Variants in HMCN1 observed in about 807,000 individuals in gnomAD.
The protein encoded by HMCN1 is hemicentin 1, also known as hemicentin-1.
Under a neutral mutation model 625.9 loss-of-function variants are expected in HMCN1, and 321 were observed. The ratio of observed to expected loss-of-function variants is 0.51; its 90% CI spans 0.47 to 0.56. The LOEUF (loss-of-function observed/expected upper bound fraction) is 0.56. Ranked by LOEUF, HMCN1 falls within the 20% of genes least tolerant of loss-of-function variation. The pLI is 0.00. For synonymous variants in HMCN1, 2,425 were observed against 2,417.6 expected (o/e 1.00, Z -0.09); for missense variants, 6,588 against 6,887.3 (o/e 0.96, Z 1.54).
intron 1 of HMCN1, among the ~76,000 whole-genome samples, chr1:185,750,739 T>G (rs778215527): frequency 3.3e-5 from 5 of 152,122 alleles, no homozygotes; most frequent in Non-Finnish European, 5.9e-5. Flanking sequence ...AATATAGACT[T>G]ATTTCTATGA....
intron 4 of HMCN1, among the ~76,000 whole-genome samples, chr1:185,893,438 G>A (rs961850646): frequency 1.3e-5 from 2 of 152,184 alleles, no homozygotes; most frequent in African/African-American, 4.8e-5. Context: ...GAAAATAATG[G>A]TGCATTTTAA....
Position 185,946,179 on chromosome 1 carries a change from C to G in HMCN1, c.1828+12355C>G, listed in dbSNP as rs139387736. On this transcript the variant is annotated intron_variant, in intron 11 of 106. Coordinates refer to ENST00000271588, the MANE Select transcript of HMCN1 (RefSeq NM_031935.3). The stretch of plus-strand genomic sequence containing the variant: ...TTCCAGCTACATTATGGTTGCTTCC[C>G]TGATAGATACTAAGGTAGCAGATAA... Among the ~76,000 whole-genome samples, 487 of 152,304 alleles carry G rather than the reference C, an allele frequency of 3.2e-3. 1 individual carries two copies. The highest frequency in any genetic ancestry group is 0.011 in the African/African-American group (449 of 41,568).
At position 185,810,532 on chromosome 1, in the gene HMCN1, A is replaced by G. The variant is rs187579873; in HGVS notation, c.269-35494A>G. ...TACCTGAACATAGGTAGTTTTTCAC[A>G]TGACATTAAGATGAATCCAAACTGC... On this transcript the variant is annotated intron_variant, in intron 1 of 106. Coordinates refer to ENST00000271588, the MANE Select transcript of HMCN1 (RefSeq NM_031935.3). Among the ~76,000 whole-genome samples, 5 of 152,292 alleles carry G rather than the reference A, an allele frequency of 3.3e-5. No individual in the cohort carries two copies. In the East Asian group the frequency reaches 9.6e-4, roughly 29 times the overall value.
At chr1:185,912,333 T>C (rs1571547949) in intron 6 of HMCN1, among the ~76,000 whole-genome samples, 1 of 152,334 alleles carries the variant, frequency 6.6e-6, no homozygotes, top group Admixed American at 6.5e-5. Flanking sequence ...TCAAGTGCTG[T>C]GTTGGCTTTT....
intron 13 of HMCN1, 63 bp downstream of exon 13, chr1:185,963,958 A>G: frequency 6.8e-7 from 1 of 1,468,568 alleles, no homozygotes; most frequent in Admixed American, 1.7e-5. Context: ...GCAATGCAAA[A>G]GTACTTTTTT....
At chr1:186,021,109 T>C (rs1654690594) in intron 35 of HMCN1, among the ~76,000 whole-genome samples, 1 of 152,012 alleles carries the variant, frequency 6.6e-6, no homozygotes. Context: ...AAATTTAGAC[T>C]CATATGTTGG....
At chr1:186,059,605 G>C (rs1168882689) in intron 46 of HMCN1, among the ~76,000 whole-genome samples, 2 of 152,090 alleles carry the variant, frequency 1.3e-5, no homozygotes, top group Non-Finnish European at 2.9e-5. Flanking sequence ...ATAGGTAAAT[G>C]AGAATCGAAT....
At chr1:185,818,635 T>C (rs1659987507) in intron 1 of HMCN1, among the ~76,000 whole-genome samples, 1 of 152,200 alleles carries the variant, frequency 6.6e-6, no homozygotes, top group Admixed American at 6.5e-5. Flanking sequence ...TTTTTGGCAG[T>C]GATTTCACAT....
At position 186,088,712 on chromosome 1, in the gene HMCN1, T is replaced by C; in HGVS notation, c.9684T>C (p.Asn3228=). The part of the protein sequence containing the change: ...DSGNYTCIAS[N]MEGKAQKYYF... ...GAAACTATACATGTATTGCTTCAAATATGGAGGGAAAAGCCCAGAAATATT... is the reference window on the plus strand; with the variant it reads ...GAAACTATACATGTATTGCTTCAAACATGGAGGGAAAAGCCCAGAAATATT... Residue 3228 remains asparagine (N), a synonymous_variant, in exon 63 of 107, where the codon AAT becomes AAC. Coordinates refer to ENST00000271588, the MANE Select transcript of HMCN1 (RefSeq NM_031935.3). The C allele has an allele frequency of 1.2e-6, 2 of 1,611,118 alleles. No homozygotes were observed. The highest frequency in any genetic ancestry group is 4.5e-5 in the East Asian group (2 of 44,736).
chr1:185,859,437 CTATT>C (rs2102345971), intron 2 of HMCN1, among the ~76,000 whole-genome samples: 2 of 152,088 alleles, frequency 1.3e-5, no homozygotes, highest in East Asian at 1.9e-4. Context: ...TTTCAATAAT[CTATT>C]TACTTAACTG....
chr1:186,117,673 A>T, intron 77 of HMCN1, 50 bp downstream of exon 77: 1 of 1,540,910 alleles, frequency 6.5e-7, no homozygotes, highest in Non-Finnish European at 9.0e-7. Flanking sequence ...TTATTTATTG[A>T]TGCATATTCT....
intron 4 of HMCN1, among the ~76,000 whole-genome samples, chr1:185,886,999 C>A (rs1664698349): frequency 6.6e-6 from 1 of 152,142 alleles, no homozygotes; most frequent in Non-Finnish European, 1.5e-5. Flanking sequence ...TCTGCCCCCA[C>A]ACATGCTGGG....
intron 106 of HMCN1, among the ~76,000 whole-genome samples, chr1:186,188,736 C>G (rs1363741461): frequency 6.6e-6 from 1 of 152,172 alleles, no homozygotes; most frequent in East Asian, 1.9e-4. Context: ...GCAGCATAGT[C>G]AAGTGTGGAC....
Position 186,119,204 on chromosome 1 carries a change from A to G in HMCN1, c.11862A>G (p.Ile3954Met). Residue 3954 changes from isoleucine (I) to methionine (M), a missense_variant, in exon 78 of 107, where the codon ATA becomes ATG. Ile to Met is a conservative substitution (Grantham distance 10). This residue lies in a region of HMCN1 where 4,628 missense variants were observed against 4,853.1 expected (regional missense o/e 0.95). Coordinates refer to ENST00000271588, the MANE Select transcript of HMCN1 (RefSeq NM_031935.3). The part of the protein sequence containing the change: ...YRILSSGAIE[I>M]LATQLNHAGR... ...TTTCATTTTTAGGAGCAATTGAAATACTTGCCACCCAATTAAACCATGCTG... is the reference window on the plus strand; with the variant it reads ...TTTCATTTTTAGGAGCAATTGAAATGCTTGCCACCCAATTAAACCATGCTG... 4.3e-6 allele frequency: 7 copies of G among 1,613,580 alleles called. No individual in the cohort carries two copies. The highest frequency in any genetic ancestry group is 5.9e-6 in the Non-Finnish European group (7 of 1,179,526).
At chr1:185,818,911 C>CTTT (rs200463566) in intron 1 of HMCN1, among the ~76,000 whole-genome samples, 3 of 143,784 alleles carry the variant, frequency 2.1e-5, no homozygotes, top group Admixed American at 7.0e-5. Flanking sequence ...GCAATTTTAC[C>CTTT]TTTTTTTTTT....
intron 4 of HMCN1, 49 bp from the exon 5 acceptor site, chr1:185,909,288 A>G (rs1331639396): frequency 1.4e-6 from 2 of 1,456,586 alleles, no homozygotes; most frequent in South Asian, 2.3e-5. Context: ...ATGATATAAA[A>G]CTGCGAATGT....
intron 1 of HMCN1, among the ~76,000 whole-genome samples, chr1:185,842,730 T>TAA (rs35326717): frequency 7.1e-6 from 1 of 141,518 alleles, no homozygotes; most frequent in Non-Finnish European, 1.6e-5. Context: ...GAGCCTGTCT[T>TAA]AAAAAAAAAA....
chr1:185,919,098 T>TATATATATATATATATATATATATA (rs1666876618), intron 6 of HMCN1, among the ~76,000 whole-genome samples: 1 of 151,266 alleles, frequency 6.6e-6, no homozygotes, highest in African/African-American at 2.4e-5. Flanking sequence ...TATAATTTTA[T>TATATATATATATATATATATATATA]TACATTTATA....
rs192512435 is a variant in HMCN1 at position 185,989,284 on chromosome 1, C to T, written c.3049-204C>T. ...TGTTGGGATTACAGGTGTGAGCCAC[C>T]GCACCTGGCCCAATTTTAGTACTTT... On this transcript the variant is annotated intron_variant, in intron 20 of 106. Transcript: ENST00000271588. Among the ~76,000 whole-genome samples the T allele has an allele frequency of 1.8e-4, 28 of 152,074 alleles. No individual in the cohort carries two copies. The East Asian group carries it at 3.1e-3, about 17-fold the overall frequency.
Sources: allele counts gnomAD v4.1 joint callset (sites outside exome capture counted in the v4.1 genomes callset), GRCh38; gene constraint gnomAD v4.1.1; regional missense constraint gnomAD v4.1.1; transcripts MANE v1.5; gene names NCBI Gene and HGNC (gene_info 2026-07-23, HGNC 2026-07-21).